Variants in CNTNAP3B observed in about 807,000 individuals in gnomAD.
CNTNAP3B encodes contactin-associated protein-like 3B.
Under a neutral mutation model 108.9 loss-of-function variants are expected in CNTNAP3B, and 25 were observed. The ratio of observed to expected loss-of-function variants is 0.23; its 90% CI spans 0.17 to 0.32. The LOEUF (loss-of-function observed/expected upper bound fraction) is 0.32, where lower values mean the gene tolerates loss of function less well. Among genes scored for constraint, CNTNAP3B ranks in the 10% least tolerant of loss-of-function variants. CNTNAP3B has a pLI of 1.00. For missense variants in CNTNAP3B, 252 were observed against 1,210.4 expected (o/e 0.21, Z 11.75); for synonymous variants, 103 against 473.4 (o/e 0.22, Z 10.16).
intron 3 of CNTNAP3B, among the ~76,000 whole-genome samples, chr9:42,035,965 G>A (rs1301488543): frequency 5.6e-5 from 8 of 142,550 alleles, no homozygotes; most frequent in African/African-American, 2.2e-4. Context: ...AAAATTAGCT[G>A]GGCATGGTGG....
At chr9:42,122,248 A>C (rs1828478849) in intron 1 of CNTNAP3B, among the ~76,000 whole-genome samples, 1 of 139,778 alleles carries the variant, frequency 7.2e-6, no homozygotes, top group African/African-American at 2.8e-5. Context: ...AATCTATGTG[A>C]TATTTTACTA....
At chr9:41,947,219 T>G (rs2118117922) in intron 13 of CNTNAP3B, among the ~76,000 whole-genome samples, 1 of 151,646 alleles carries the variant, frequency 6.6e-6, no homozygotes, top group Non-Finnish European at 1.5e-5. Flanking sequence ...TACATTTTTT[T>G]TTCAAATGCC....
chr9:41,950,957 G>C (rs568211825), intron 13 of CNTNAP3B, among the ~76,000 whole-genome samples: 2 of 141,596 alleles, frequency 1.4e-5, no homozygotes, highest in Admixed American at 7.2e-5. Flanking sequence ...GGGTTTCATC[G>C]TGTTAGCCAG....
chr9:42,115,453 G>C (rs1451730508), intron 1 of CNTNAP3B, among the ~76,000 whole-genome samples: 1 of 139,502 alleles, frequency 7.2e-6, no homozygotes, highest in African/African-American at 2.8e-5. Flanking sequence ...CTAACTGGGA[G>C]ACAACTCCCA....
rs192084432 is a variant in CNTNAP3B at position 42,112,751 on chromosome 9, C to G, written c.86-8012G>C. On this transcript the variant is annotated intron_variant, in intron 1 of 23. Coordinates refer to ENST00000377561, the MANE Select transcript of CNTNAP3B (RefSeq NM_001201380.3). ...TGTTTTCAAATGACTTACAGCACTA[C>G]AAATATAAAGTTATAACAACAGTAT... is the stretch of plus-strand genomic sequence containing the variant. 7.2e-4 allele frequency among the ~76,000 whole-genome samples: 99 copies of G among 136,674 alleles called. 20 individuals are homozygous for G. In the East Asian group the frequency reaches 0.021, roughly 29 times the overall value. 89.7% of individuals were successfully genotyped at this position (136,674 alleles called of 152,430 possible).
intron 9 of CNTNAP3B, among the ~76,000 whole-genome samples, chr9:41,983,093 T>C (rs1302711571): frequency 1.5e-5 from 2 of 130,386 alleles, no homozygotes; most frequent in East Asian, 2.3e-4. Flanking sequence ...CTAGGTACTA[T>C]GCTCATTACC....
chr9:41,968,166 C>A (rs1380552194), intron 10 of CNTNAP3B, among the ~76,000 whole-genome samples: 2 of 151,794 alleles, frequency 1.3e-5, no homozygotes, highest in Non-Finnish European at 2.9e-5. Flanking sequence ...AACAGAAACA[C>A]TGCAAATGGA....
chr9:42,108,748 A>C (rs1230393193), intron 1 of CNTNAP3B, among the ~76,000 whole-genome samples: 1 of 130,202 alleles, frequency 7.7e-6, no homozygotes. Flanking sequence ...CTCTCTCCCC[A>C]CTCTATGGTC....
chr9:42,030,806 A>ACAGAGAG (rs1826507684), intron 3 of CNTNAP3B, among the ~76,000 whole-genome samples: 1 of 87,596 alleles, frequency 1.1e-5, no homozygotes, highest in Non-Finnish European at 2.3e-5. Flanking sequence ...AGAGAGAGAG[A>ACAGAGAG]GAGAGAGGAG....
At chr9:42,036,512 AT>A (rs1468718342) in intron 3 of CNTNAP3B, among the ~76,000 whole-genome samples, 1 of 136,952 alleles carries the variant, frequency 7.3e-6, no homozygotes, top group Non-Finnish European at 1.6e-5. Context: ...AGCGCCCGCC[AT>A]TGCTGAGGCT....
chr9:41,952,542 G>T (rs547147805), intron 13 of CNTNAP3B, among the ~76,000 whole-genome samples: 1 of 152,246 alleles, frequency 6.6e-6, no homozygotes, highest in Admixed American at 6.5e-5. Context: ...CGGAAAGGAG[G>T]GGGAAGTTGG....
chr9:41,956,597 C>T (rs372969346), intron 12 of CNTNAP3B, among the ~76,000 whole-genome samples: 14,649 of 141,922 alleles, frequency 0.1, 105 homozygotes, highest in South Asian at 0.16. Flanking sequence ...ATAAGATCCA[C>T]TGTGTTCTGT....
intron 12 of CNTNAP3B, among the ~76,000 whole-genome samples, chr9:41,954,452 T>C (rs1187641616): frequency 1.3e-4 from 20 of 152,270 alleles, no homozygotes; most frequent in Admixed American, 5.2e-4. Context: ...GCCATGCTAC[T>C]GAAATATCTC....
At position 41,973,104 on chromosome 9, in the gene CNTNAP3B, A is replaced by T. The variant is rs900623165; in HGVS notation, c.1478-2859T>A. Among the ~76,000 whole-genome samples, 5 of 120,044 alleles carry T rather than the reference A, an allele frequency of 4.2e-5. 1 individual carries two copies. The highest frequency in any genetic ancestry group is 6.5e-5 in the African/African-American group (2 of 30,864). 78.8% of individuals were successfully genotyped at this position (120,044 alleles called of 152,430 possible). The stretch of plus-strand genomic sequence containing the variant: ...AGACACGCACCACCATGCCCTGCTA[A>T]TTTTTTTTTTTTGTATTTTTTTTCA... On this transcript the variant is annotated intron_variant, in intron 9 of 23. Coordinates refer to ENST00000377561, the MANE Select transcript of CNTNAP3B (RefSeq NM_001201380.3).
intron 8 of CNTNAP3B, among the ~76,000 whole-genome samples, chr9:41,990,610 T>A (rs1431543387): frequency 7.5e-6 from 1 of 133,052 alleles, no homozygotes. Flanking sequence ...GATATCCCCC[T>A]GGTCTCAAGC....
Position 41,960,140 on chromosome 9 carries a change from G to T in CNTNAP3B, c.1876+633C>A, listed in dbSNP as rs542205158. On this transcript the variant is annotated intron_variant, in intron 12 of 23. Transcript: ENST00000377561. The stretch of plus-strand genomic sequence containing the variant: ...AGCCTCCCAAGTAGCTGGGACTACA[G>T]GTGTGGGCGCCACCATGCCCAGCTA... 7.1e-4 allele frequency: 113 copies of T among 158,756 alleles called. No individual in the cohort carries two copies. In the South Asian group the frequency reaches 0.021, roughly 29 times the overall value. 9.8% of individuals were successfully genotyped at this position (158,756 alleles called of 1,614,324 possible).
chr9:42,123,907 G>A (rs1328206012), intron 1 of CNTNAP3B, among the ~76,000 whole-genome samples: 1 of 122,276 alleles, frequency 8.2e-6, no homozygotes, highest in Admixed American at 8.4e-5. Context: ...GGCCTCAATT[G>A]CAAATGCTTT....
chr9:41,919,189 C>T (rs1484128158), intron 18 of CNTNAP3B, among the ~76,000 whole-genome samples: 8 of 151,946 alleles, frequency 5.3e-5, no homozygotes, highest in African/African-American at 1.9e-4. Context: ...GGAGTGAGTG[C>T]AGTGGTGCGA....
chr9:41,967,972 C>T (rs201335458), intron 10 of CNTNAP3B, among the ~76,000 whole-genome samples: 2 of 149,444 alleles, frequency 1.3e-5, no homozygotes, highest in African/African-American at 2.5e-5. Context: ...AATTTGGAGG[C>T]CTTTTTAAAA....
Sources: allele counts gnomAD v4.1 joint callset (sites outside exome capture counted in the v4.1 genomes callset), GRCh38; gene constraint gnomAD v4.1.1; transcripts MANE v1.5; gene names NCBI Gene and HGNC (gene_info 2026-07-23, HGNC 2026-07-21).